Variants in TRABD2B observed in about 807,000 individuals in gnomAD.
TRABD2B encodes the protein TraB domain containing 2B, also known as metalloprotease TIKI2.
A neutral mutation model predicts 40.1 loss-of-function variants in TRABD2B; 14 were observed. That is an observed-to-expected ratio of 0.35 (90% CI 0.23 to 0.55). TRABD2B has a LOEUF of 0.55. Ranked by LOEUF, TRABD2B falls within the 20% of genes least tolerant of loss-of-function variation. TRABD2B has a pLI of 0.90. For missense variants in TRABD2B, 541 were observed against 648.6 expected, an observed-to-expected ratio of 0.83 and a Z score of 1.80; for synonymous variants, 263 against 277.0, an observed-to-expected ratio of 0.95 and a Z score of 0.50.
intron 3 of TRABD2B, among the ~76,000 whole-genome samples, chr1:47,800,445 G>C (rs1416780430): frequency 1.3e-5 from 2 of 152,188 alleles, no homozygotes; most frequent in Non-Finnish European, 2.9e-5. Context: ...TGGTGAGTTG[G>C]GTTCGCACAC....
chr1:47,847,129 T>C (rs1421513855), intron 2 of TRABD2B, among the ~76,000 whole-genome samples: 1 of 152,152 alleles, frequency 6.6e-6, no homozygotes, highest in Non-Finnish European at 1.5e-5. Context: ...TGCTCCTTCT[T>C]GGGGGAACTT....
intron 4 of TRABD2B, among the ~76,000 whole-genome samples, chr1:47,781,170 G>A (rs1179547151): frequency 6.6e-6 from 1 of 152,314 alleles, no homozygotes; most frequent in Admixed American, 6.5e-5. Flanking sequence ...CAGGCTGGAG[G>A]AACTCTCTGC....
At chr1:47,989,373 T>C (rs1382828371) in intron 2 of TRABD2B, among the ~76,000 whole-genome samples, 4 of 152,196 alleles carry the variant, frequency 2.6e-5, no homozygotes, top group Admixed American at 6.5e-5. Flanking sequence ...GAATCAGGGA[T>C]GGTCACATCA....
intron 2 of TRABD2B, among the ~76,000 whole-genome samples, chr1:47,868,288 C>T (rs746376988): frequency 9.9e-5 from 15 of 152,140 alleles, no homozygotes; most frequent in African/African-American, 3.1e-4. Context: ...TAGCATCTGA[C>T]ATATGGCTGG....
At chr1:47,784,679 T>A (rs1388222452) in intron 4 of TRABD2B, among the ~76,000 whole-genome samples, 1 of 152,122 alleles carries the variant, frequency 6.6e-6, no homozygotes, top group Non-Finnish European at 1.5e-5. Flanking sequence ...TGAGGAAGTA[T>A]GACAGGAGGG....
intron 2 of TRABD2B, among the ~76,000 whole-genome samples, chr1:47,835,803 C>T (rs192237291): frequency 1.3e-5 from 2 of 152,302 alleles, no homozygotes; most frequent in Admixed American, 6.5e-5. Flanking sequence ...GGACACTAGA[C>T]AGCGACATAA....
intron 2 of TRABD2B, among the ~76,000 whole-genome samples, chr1:47,938,764 G>A (rs956503725): frequency 6.6e-6 from 1 of 152,176 alleles, no homozygotes; most frequent in Admixed American, 6.5e-5. Context: ...TGAGACCTGT[G>A]GGGTGAAGAC....
At chr1:47,766,242 C>A (rs1644301687) in intron 6 of TRABD2B, 136 bp from the exon 7 acceptor site, 1 of 623,138 alleles carries the variant, frequency 1.6e-6, no homozygotes, top group Admixed American at 2.5e-5. Context: ...CTTGAGCAGG[C>A]AAACCGGGCA....
intron 2 of TRABD2B, among the ~76,000 whole-genome samples, chr1:47,914,549 G>C (rs559995505): frequency 7.8e-4 from 119 of 152,386 alleles, no homozygotes; most frequent in Non-Finnish European, 1.3e-3. Context: ...TTTAGCAGCA[G>C]TGTGCAATTG....
intron 2 of TRABD2B, among the ~76,000 whole-genome samples, chr1:47,962,535 T>A (rs1645536486): frequency 1.3e-5 from 2 of 152,160 alleles, no homozygotes; most frequent in Admixed American, 6.5e-5. Context: ...CCCTTTGCCC[T>A]TAATAATAAT....
chr1:47,963,993 C>T (rs917053327), intron 2 of TRABD2B, among the ~76,000 whole-genome samples: 3 of 152,174 alleles, frequency 2.0e-5, no homozygotes, highest in East Asian at 1.9e-4. Context: ...CCATGGTCAC[C>T]GTGAGGCTAC....
rs558708021 is a variant in TRABD2B, at chr1:47,982,787, G to A, written c.666+11247C>T. ...TGCATTTTCCCATCCTGGCACTTCC[G>A]TGTAAGTCTGCTTCCTTTCCACCTC... On this transcript the variant is annotated intron_variant, in intron 2 of 6. Transcript: ENST00000606738. Among the ~76,000 whole-genome samples, 40 of 152,226 alleles carry A rather than the reference G, an allele frequency of 2.6e-4. 1 individual carries two copies. The highest frequency in any genetic ancestry group is 9.8e-4 in the Admixed American group (15 of 15,288).
intron 2 of TRABD2B, among the ~76,000 whole-genome samples, chr1:47,969,034 C>T (rs1454767323): frequency 6.6e-6 from 1 of 152,172 alleles, no homozygotes; most frequent in Non-Finnish European, 1.5e-5. Flanking sequence ...ATCATTAACA[C>T]ATTATAGCCC....
chr1:47,828,334 C>G (rs185645044), intron 2 of TRABD2B, among the ~76,000 whole-genome samples: 15 of 152,264 alleles, frequency 9.9e-5, no homozygotes, highest in Non-Finnish European at 2.1e-4. Context: ...AAATCCCCCA[C>G]CAAGTCCCTG....
At chr1:47,916,059 G>A (rs1014741888) in intron 2 of TRABD2B, among the ~76,000 whole-genome samples, 3 of 151,728 alleles carry the variant, frequency 2.0e-5, no homozygotes, top group Non-Finnish European at 4.4e-5. Context: ...GGACGCCGCA[G>A]ACAGCCCTAA....
At chr1:47,848,047 G>A (rs1037377437) in intron 2 of TRABD2B, among the ~76,000 whole-genome samples, 13 of 152,254 alleles carry the variant, frequency 8.5e-5, no homozygotes, top group Admixed American at 2.6e-4. Flanking sequence ...GCTCCACCCC[G>A]TTTTACTCTG....
chr1:47,874,571 C>CTTT (rs370059019), intron 2 of TRABD2B, among the ~76,000 whole-genome samples: 45 of 137,288 alleles, frequency 3.3e-4, no homozygotes, highest in African/African-American at 1.1e-3. Context: ...CGCGCCCGGC[C>CTTT]TTTTTTTTTT....
intron 2 of TRABD2B, among the ~76,000 whole-genome samples, chr1:47,993,493 C>T (rs1416668763): frequency 1.3e-5 from 2 of 152,192 alleles, no homozygotes; most frequent in Admixed American, 6.5e-5. Flanking sequence ...GTCCGAGGGT[C>T]ACCTAGAGCT....
chr1:47,918,540 T>G (rs894534592), intron 2 of TRABD2B, among the ~76,000 whole-genome samples: 1 of 152,176 alleles, frequency 6.6e-6, no homozygotes, highest in Non-Finnish European at 1.5e-5. Context: ...ACTGCTCTCC[T>G]GCCCATAAAG....
Sources: allele counts gnomAD v4.1 joint callset (sites outside exome capture counted in the v4.1 genomes callset), GRCh38; gene constraint gnomAD v4.1.1; transcripts MANE v1.5; gene names NCBI Gene and HGNC (gene_info 2026-07-23, HGNC 2026-07-21).